Variants in PKP2 observed in about 807,000 individuals in gnomAD.
The protein encoded by PKP2 is plakophilin 2.
PKP2 carries 73 observed loss-of-function variants against 83.4 expected under a neutral mutation model. That is an observed-to-expected ratio of 0.88 (90% CI 0.72 to 1.06). The LOEUF (loss-of-function observed/expected upper bound fraction) is 1.06, where lower values mean the gene tolerates loss of function less well. Ranked by LOEUF, PKP2 falls within the 50% of genes least tolerant of loss-of-function variation. The probability of loss-of-function intolerance (pLI) is 0.00; values close to 1 mark genes in which losing one functional copy is unlikely to be tolerated. For synonymous variants in PKP2, 409 were observed against 430.4 expected, an observed-to-expected ratio of 0.95 and a Z score of 0.62; for missense variants, 966 against 1,065.4, an observed-to-expected ratio of 0.91 and a Z score of 1.30.
At chr12:32,823,641 C>G (rs1268867284) in intron 7 of PKP2, among the ~76,000 whole-genome samples, 1 of 148,744 alleles carries the variant, frequency 6.7e-6, no homozygotes, top group African/African-American at 2.5e-5. Flanking sequence ...GAGTCTTGCT[C>G]TGTCGCCCAC....
chr12:32,842,193 G>T (rs115381331), intron 5 of PKP2, among the ~76,000 whole-genome samples: 1,593 of 152,254 alleles, frequency 0.01, 29 homozygotes, highest in African/African-American at 0.037. Flanking sequence ...TACACTGATT[G>T]CTTGCTATTC....
chr12:32,870,772 CT>C (rs567544166), intron 3 of PKP2, among the ~76,000 whole-genome samples: 4 of 151,452 alleles, frequency 2.6e-5, no homozygotes, highest in Non-Finnish European at 4.4e-5. Flanking sequence ...TGTTATGCAG[CT>C]TTTTTTTTAA....
At chr12:32,873,588 G>A (rs1956910901) in intron 3 of PKP2, among the ~76,000 whole-genome samples, 1 of 151,932 alleles carries the variant, frequency 6.6e-6, no homozygotes, top group Non-Finnish European at 1.5e-5. Context: ...GGAATGCAAT[G>A]GCACGATACC....
chr12:32,801,480 A>G (rs1956178039), intron 10 of PKP2, among the ~76,000 whole-genome samples: 1 of 152,254 alleles, frequency 6.6e-6, no homozygotes, highest in Admixed American at 6.5e-5. Context: ...GCATGAAGCC[A>G]TTGCATAAAA....
At chr12:32,877,429 A>G (rs1318598165) in intron 3 of PKP2, among the ~76,000 whole-genome samples, 13 of 152,244 alleles carry the variant, frequency 8.5e-5, no homozygotes, top group Admixed American at 8.5e-4. Flanking sequence ...CTCTTTTTAC[A>G]GTCATAGTTA....
chr12:32,892,825 G>GGGT lies in PKP2; in HGVS notation c.223+3683_223+3684insACC, dbSNP rs1304412105. ...AGATACCTGGGGTGGGGGCGGGGGG[G>GGGT]GGGGGAGAACTGTGTAGCAAGTAGT... On this transcript the variant is annotated intron_variant, in intron 1 of 12. Transcript: ENST00000340811. 2.1e-5 allele frequency among the ~76,000 whole-genome samples: 2 copies of GGGT among 94,004 alleles called. 1 individual carries two copies. 61.7% of individuals were successfully genotyped at this position (94,004 alleles called of 152,430 possible). A position where few individuals can be genotyped will look rare whatever the true frequency, so the allele number is the denominator to read the frequency against.
intron 9 of PKP2, 73 bp downstream of exon 9, chr12:32,821,283 A>T: frequency 7.6e-7 from 1 of 1,310,102 alleles, no homozygotes; most frequent in Non-Finnish European, 1.1e-6. Context: ...TCACTGTTTC[A>T]TCTCTGAATT....
intron 4 of PKP2, among the ~76,000 whole-genome samples, chr12:32,856,623 G>A (rs1186376092): frequency 6.6e-6 from 1 of 152,060 alleles, no homozygotes; most frequent in Non-Finnish European, 1.5e-5. Context: ...GGAAAGGGGA[G>A]GGATAGCATT....
chr12:32,853,902 C>T (rs888009167), intron 4 of PKP2, among the ~76,000 whole-genome samples: 2 of 152,182 alleles, frequency 1.3e-5, no homozygotes, highest in Admixed American at 6.5e-5. Flanking sequence ...CTTCTGGGTA[C>T]GATCTGTTAT....
At position 32,877,994 on chromosome 12, in the gene PKP2, G is replaced by T. The variant is rs777978966; in HGVS notation, c.886C>A (p.His296Asn). 1.9e-6 allele frequency: 3 copies of T among 1,614,038 alleles called. No individual in the cohort carries two copies. Among genetic ancestry groups the T allele is most frequent in the Non-Finnish European group, 2.5e-6 (3 of 1,180,044 alleles). Reference protein sequence around the residue: ...SRSSWHQSSFHSTRTLREAGP... With the variant: ...SRSSWHQSSFNSTRTLREAGP... ...GCTTCCCTCAGCGTGCGGGTGCTGTGGAAGGAGCTCTGATGCCAGGAGGAC... is the reference window on the plus strand; with the variant it reads ...GCTTCCCTCAGCGTGCGGGTGCTGTTGAAGGAGCTCTGATGCCAGGAGGAC... The change falls in exon 3 of 13, where the codon CAC (histidine) becomes AAC (asparagine). Residue 296 changes from histidine (H) to asparagine (N), a missense_variant. His to Asn is a moderately conservative substitution (Grantham distance 68). Transcript: ENST00000340811.
In PKP2 at chr12:32,822,387, T is replaced by C. The variant is rs1956388374; in HGVS notation, c.1839+80A>G. ...AATAGTGCCGATATATACCAAGTAC[T>C]TAGACATACACATATACACAAACAC... On this transcript the variant is annotated intron_variant, in intron 8 of 12. Transcript: ENST00000340811. 2.5e-6 allele frequency: 3 copies of C among 1,197,316 alleles called. No homozygotes were observed. In the African/African-American group the frequency reaches 4.5e-5, roughly 18 times the overall value. 74.2% of individuals were successfully genotyped at this position (1,197,316 alleles called of 1,614,324 possible).
intron 6 of PKP2, among the ~76,000 whole-genome samples, chr12:32,824,573 C>T (rs1332230205): frequency 2.0e-5 from 3 of 152,194 alleles, no homozygotes; most frequent in African/African-American, 7.2e-5. Context: ...TAAAGTTGCT[C>T]TGGGCCTCAG....
chr12:32,834,069 C>T (rs1387941771), intron 6 of PKP2, among the ~76,000 whole-genome samples: 1 of 152,186 alleles, frequency 6.6e-6, no homozygotes, highest in Admixed American at 6.5e-5. Flanking sequence ...CATCCTTTAA[C>T]AGCTCTTTAA....
intron 6 of PKP2, among the ~76,000 whole-genome samples, chr12:32,838,085 T>G (rs1206849932): frequency 6.6e-6 from 1 of 152,100 alleles, no homozygotes; most frequent in Non-Finnish European, 1.5e-5. Context: ...TAGGTTCCCA[T>G]CAATAGGGGA....
At chr12:32,865,266 T>C (rs899747022) in intron 4 of PKP2, among the ~76,000 whole-genome samples, 2 of 151,192 alleles carry the variant, frequency 1.3e-5, no homozygotes, top group African/African-American at 2.4e-5. Context: ...TCCCAGCTCT[T>C]CAGAAGGCTG....
At chr12:32,796,000 T>C (rs12228193) in intron 11 of PKP2, 109 bp downstream of exon 11, 180,897 of 992,688 alleles carry the variant, frequency 0.18, 21,827 homozygotes, top group East Asian at 0.57. Flanking sequence ...TCCTGTTTGC[T>C]GCCATGTTGC....
At chr12:32,844,668 C>T (rs1289547971) in intron 5 of PKP2, among the ~76,000 whole-genome samples, 3 of 152,134 alleles carry the variant, frequency 2.0e-5, no homozygotes, top group Admixed American at 6.6e-5. Flanking sequence ...AGCTCTATCA[C>T]TAGAGGGAAT....
At chr12:32,808,287 T>G (rs1245722868) in intron 9 of PKP2, among the ~76,000 whole-genome samples, 1 of 152,180 alleles carries the variant, frequency 6.6e-6, no homozygotes, top group Non-Finnish European at 1.5e-5. Flanking sequence ...CTTCAAGGTC[T>G]GAGATCCTTT....
intron 6 of PKP2, among the ~76,000 whole-genome samples, chr12:32,826,305 C>CAAAA (rs71068338): frequency 3.5e-5 from 3 of 84,666 alleles, no homozygotes; most frequent in African/African-American, 4.5e-5. Flanking sequence ...GACACCGTCT[C>CAAAA]AAAAAAAAAA....
Sources: gnomAD v4.1 joint callset for allele counts (sites outside exome capture counted in the v4.1 genomes callset) on GRCh38, gnomAD v4.1.1 for gene constraint, MANE v1.5 for transcripts, NCBI Gene and HGNC (gene_info 2026-07-23, HGNC 2026-07-21) for gene names.